GALNT13: variants seen among roughly 807,000 people sequenced by gnomAD.
GALNT13 encodes UDP-GalNAc:polypeptide N-acetylgalactosaminyltransferase 13.
A neutral mutation model predicts 64.2 loss-of-function variants in GALNT13; 28 were observed. The ratio of observed to expected loss-of-function variants is 0.44; its 90% CI spans 0.32 to 0.60. The LOEUF (loss-of-function observed/expected upper bound fraction) is 0.60, where lower values mean the gene tolerates loss of function less well. Ranked by LOEUF, GALNT13 falls within the 20% of genes least tolerant of loss-of-function variation. The probability of loss-of-function intolerance (pLI) is 0.05; values close to 1 mark genes in which losing one functional copy is unlikely to be tolerated. For missense variants in GALNT13, 577 were observed against 669.8 expected (o/e 0.86, Z 1.53); for synonymous variants, 214 against 224.6 (o/e 0.95, Z 0.42).
At chr2:154,024,045 A>G (rs200195288) in intron 3 of GALNT13, among the ~76,000 whole-genome samples, 19,683 of 151,866 alleles carry the variant, frequency 0.13, 1,332 homozygotes, top group African/African-American at 0.2. Context: ...TGGCTTGTAG[A>G]GTTTCTGCCG....
At chr2:154,098,430 G>T (rs1405303940) in intron 3 of GALNT13, among the ~76,000 whole-genome samples, 3 of 151,478 alleles carry the variant, frequency 2.0e-5, no homozygotes, top group Non-Finnish European at 4.4e-5. Context: ...ATTTTTCAAT[G>T]AAAATGGTTT....
intron 3 of GALNT13, among the ~76,000 whole-genome samples, chr2:154,117,315 G>A (rs778380298): frequency 6.6e-5 from 10 of 152,304 alleles, no homozygotes; most frequent in Middle Eastern, 3.4e-3. Flanking sequence ...GTGGTATTTG[G>A]TTACATGAAT....
the GALNT13 span, among the ~76,000 whole-genome samples, chr2:153,350,074 C>A: frequency 6.6e-6 from 1 of 152,160 alleles, no homozygotes; most frequent in Admixed American, 6.6e-5. Flanking sequence ...CTTCCTCTCG[C>A]TTCTTTGGTG....
At chr2:153,881,367 G>C (rs751689417) in intron 1 of GALNT13, among the ~76,000 whole-genome samples, 3 of 152,136 alleles carry the variant, frequency 2.0e-5, no homozygotes, top group Non-Finnish European at 2.9e-5. Flanking sequence ...TTTATATTCT[G>C]TGGTACCCAC....
chr2:154,405,074 C>A (rs988394403), intron 10 of GALNT13, among the ~76,000 whole-genome samples: 3 of 151,860 alleles, frequency 2.0e-5, no homozygotes, highest in African/African-American at 7.3e-5. Context: ...GCAAGCACAC[C>A]AGTACTTTAT....
At chr2:153,169,083 T>C in the GALNT13 span, among the ~76,000 whole-genome samples, 7 of 152,228 alleles carry the variant, frequency 4.6e-5, no homozygotes, top group Admixed American at 2.0e-4. Flanking sequence ...AGTCACTTGC[T>C]TCCTTTGTAT....
At chr2:153,179,372 G>A in the GALNT13 span, among the ~76,000 whole-genome samples, 1 of 152,084 alleles carries the variant, frequency 6.6e-6, no homozygotes, top group Non-Finnish European at 1.5e-5. Flanking sequence ...AGATGAGTGG[G>A]TTCATTTCTG....
chr2:154,413,607 CATA>C, intron 11 of GALNT13, among the ~76,000 whole-genome samples: 1 of 152,078 alleles, frequency 6.6e-6, no homozygotes, highest in African/African-American at 2.4e-5. Flanking sequence ...GTGCTCTAGA[CATA>C]CGTCTCATGA....
the GALNT13 span, among the ~76,000 whole-genome samples, chr2:153,756,934 TTG>T: frequency 6.6e-6 from 1 of 152,158 alleles, no homozygotes. Flanking sequence ...CACTAAACAC[TTG>T]TGTCACAAAT....
intron 11 of GALNT13, among the ~76,000 whole-genome samples, chr2:154,423,632 C>T (rs1700349731): frequency 6.6e-6 from 1 of 152,110 alleles, no homozygotes; most frequent in African/African-American, 2.4e-5. Context: ...AACATAAATA[C>T]ATAGCCCCCA....
At chr2:154,160,509 C>G (rs16836133) in intron 4 of GALNT13, among the ~76,000 whole-genome samples, 2,337 of 152,224 alleles carry the variant, frequency 0.015, 61 homozygotes, top group African/African-American at 0.053. Context: ...ACTGACTTTT[C>G]CCTACTCAGC....
chr2:154,249,306 G>A (rs1274781468), intron 7 of GALNT13, among the ~76,000 whole-genome samples: 1 of 152,172 alleles, frequency 6.6e-6, no homozygotes, highest in Non-Finnish European at 1.5e-5. Flanking sequence ...GGCTACCTAT[G>A]CTGTAAAGTT....
intron 4 of GALNT13, among the ~76,000 whole-genome samples, chr2:154,218,553 T>C (rs1278095979): frequency 6.6e-6 from 1 of 152,116 alleles, no homozygotes; most frequent in Non-Finnish European, 1.5e-5. Context: ...AATCTGGTAC[T>C]TGTTTTCCAA....
At chr2:153,873,603 A>G (rs994812680) in intron 1 of GALNT13, among the ~76,000 whole-genome samples, 2 of 152,300 alleles carry the variant, frequency 1.3e-5, no homozygotes, top group South Asian at 2.1e-4. Context: ...GGACTGAGGT[A>G]TGCCTGCCTT....
At chr2:153,625,772 C>T in the GALNT13 span, among the ~76,000 whole-genome samples, 1 of 151,930 alleles carries the variant, frequency 6.6e-6, no homozygotes, top group Non-Finnish European at 1.5e-5. Flanking sequence ...ACAAAATACC[C>T]CAGACAGGGG....
the GALNT13 span, among the ~76,000 whole-genome samples, chr2:153,315,029 A>G: frequency 6.6e-6 from 1 of 152,232 alleles, no homozygotes; most frequent in Non-Finnish European, 1.5e-5. Context: ...ATTAAAATTA[A>G]AATATATGTC....
the GALNT13 span, among the ~76,000 whole-genome samples, chr2:153,270,031 T>A: frequency 5.1e-4 from 78 of 152,278 alleles, no homozygotes; most frequent in East Asian, 5.4e-3. Context: ...ATAAAAAGAC[T>A]TAATCTAGTT....
chr2:154,103,268 T>G (rs1183115160), intron 3 of GALNT13, among the ~76,000 whole-genome samples: 1 of 152,198 alleles, frequency 6.6e-6, no homozygotes, highest in Non-Finnish European at 1.5e-5. Context: ...TTATTTCTTC[T>G]GCCTTTTCTA....
the GALNT13 span, among the ~76,000 whole-genome samples, chr2:153,128,006 TA>T: frequency 6.6e-6 from 1 of 152,038 alleles, no homozygotes; most frequent in Admixed American, 6.6e-5. Context: ...ATGAGGGGAG[TA>T]AACTTTTTGT....
Sources: gnomAD v4.1 joint callset for allele counts (sites outside exome capture counted in the v4.1 genomes callset) on GRCh38, gnomAD v4.1.1 for gene constraint, MANE v1.5 for transcripts, NCBI Gene and HGNC (gene_info 2026-07-23, HGNC 2026-07-21) for gene names.